Variants in NDUFB4 observed in about 807,000 individuals in gnomAD.
The protein encoded by NDUFB4 is NADH:ubiquinone oxidoreductase subunit B4, also known as NADH dehydrogenase [ubiquinone] 1 beta subcomplex subunit 4.
NDUFB4 carries 10 observed loss-of-function variants against 14.5 expected under a neutral mutation model. The observed-to-expected ratio is 0.69, with a 90% CI of 0.43 to 1.17. NDUFB4 has a LOEUF of 1.17. Among genes scored for constraint, NDUFB4 ranks in the 50% most tolerant of loss-of-function variants. NDUFB4 has a pLI of 0.00. For synonymous variants in NDUFB4, 65 were observed against 63.4 expected (o/e 1.03, Z -0.12); for missense variants, 165 against 161.1 (o/e 1.02, Z -0.13).
intron 1 of NDUFB4, among the ~76,000 whole-genome samples, chr3:120,597,069 T>G (rs796103581): frequency 1.6e-3 from 224 of 142,314 alleles, no homozygotes; most frequent in Middle Eastern, 3.8e-3. Flanking sequence ...TGCATATATA[T>G]TTTATATATA....
intron 1 of NDUFB4, among the ~76,000 whole-genome samples, chr3:120,596,830 C>T (rs1939965448): frequency 6.6e-6 from 1 of 151,582 alleles, no homozygotes; most frequent in Admixed American, 6.6e-5. Flanking sequence ...GCAAAATGGG[C>T]GTAATATAGT....
At chr3:120,601,076 T>A (rs1046699406) in intron 1 of NDUFB4, 35 bp from the exon 2 acceptor site, 1 of 1,566,944 alleles carries the variant, frequency 6.4e-7, no homozygotes. Context: ...TGATCCTTCT[T>A]AAGTTCTATA....
chr3:120,602,144 TTATC>T, intron 2 of NDUFB4, 60 bp from the exon 3 acceptor site: 1 of 1,572,224 alleles, frequency 6.4e-7, no homozygotes, highest in East Asian at 2.3e-5. Flanking sequence ...TTATTTATTT[TTATC>T]TAATATAGCC....
At position 120,601,151 on chromosome 3, in the gene NDUFB4, T is replaced by C; in HGVS notation, c.221T>C (p.Ile74Thr). ...CTTCGTTGGGCCTATGCAAGAACAA[T>C]AAATGTCTATCCTAATTTCAGACCC... ...ALLRWAYART[I>T]NVYPNFRPTP... The change falls in exon 2 of 3, where the codon ATA (isoleucine) becomes ACA (threonine). Residue 74 changes from isoleucine (I) to threonine (T), a missense_variant. Physicochemically the swap from Ile to Thr is moderately conservative, Grantham distance 89. Coordinates refer to ENST00000184266, the MANE Select transcript of NDUFB4 (RefSeq NM_004547.6). 6.8e-6 allele frequency: 11 copies of C among 1,613,980 alleles called. No homozygotes were observed. Among genetic ancestry groups the C allele is most frequent in the Non-Finnish European group, 8.5e-6 (10 of 1,179,978 alleles).
Position 120,602,004 on chromosome 3 carries a change from G to T in NDUFB4, c.328-204G>T, listed in dbSNP as rs181436575. On this transcript the variant is annotated intron_variant, in intron 2 of 2. Coordinates refer to ENST00000184266, the MANE Select transcript of NDUFB4 (RefSeq NM_004547.6). ...TTTCTTACTGTGTCTTTAGTTCCTC[G>T]GATTACTGTTTCTTCGCACACTCCC... 5 of 1,308,894 alleles carry T rather than the reference G, an allele frequency of 3.8e-6. No homozygotes were observed. In the African/African-American group the frequency reaches 4.6e-5, roughly 12 times the overall value. 81.1% of individuals were successfully genotyped at this position (1,308,894 alleles called of 1,614,324 possible).
chr3:120,598,224 T>C (rs189858731), intron 1 of NDUFB4, among the ~76,000 whole-genome samples: 2 of 152,126 alleles, frequency 1.3e-5, no homozygotes, highest in Admixed American at 1.3e-4. Flanking sequence ...GGTTAAGTTT[T>C]TGTATTTTTT....
chr3:120,602,244 G>T lies in NDUFB4; in HGVS notation c.364G>T (p.Asp122Tyr), dbSNP rs1462707163. Residue 122 changes from aspartate to tyrosine, a missense_variant, in exon 3 of 3, where the codon GAT becomes TAT. Coordinates refer to ENST00000184266, the MANE Select transcript of NDUFB4 (RefSeq NM_004547.6). ...AAAACTTATCCAGGAAGGAAAATTG[G>T]ATCGAACATTTCACCTCTCATATTA... ...KEKLIQEGKL[D>Y]RTFHLSY 1.9e-6 allele frequency: 3 copies of T among 1,610,776 alleles called. No individual in the cohort carries two copies. Among genetic ancestry groups the T allele is most frequent in the Non-Finnish European group, 2.5e-6 (3 of 1,179,444 alleles).
At position 120,596,447 on chromosome 3, in the gene NDUFB4, C is replaced by T. The variant is rs778921082; in HGVS notation, c.88C>T (p.Arg30Trp). Residue 30 changes from arginine to tryptophan, a missense_variant, in exon 1 of 3, where the codon CGG becomes TGG. Coordinates refer to ENST00000184266, the MANE Select transcript of NDUFB4 (RefSeq NM_004547.6). ...PAEYNISPET[R>W]RAQAERLAIR... is the part of the protein sequence containing the mutation. The stretch of plus-strand genomic sequence containing the variant: ...CGAATACAACATATCTCCGGAAACC[C>T]GGCGGGCGCAAGCCGAGCGGTTGGC... 3 of 1,614,066 alleles carry T rather than the reference C, an allele frequency of 1.9e-6. No individual in the cohort carries two copies. The highest frequency in any genetic ancestry group is 2.5e-6 in the Non-Finnish European group (3 of 1,179,998).
In NDUFB4 at chr3:120,601,950, G is replaced by A. The variant is rs1940070971; in HGVS notation, c.328-258G>A. 3.3e-6 allele frequency: 4 copies of A among 1,219,912 alleles called. No individual in the cohort carries two copies. In the Admixed American group the frequency reaches 1.3e-4, roughly 39 times the overall value. 75.6% of individuals were successfully genotyped at this position (1,219,912 alleles called of 1,614,324 possible). ...ATAATATATTTCTAATGACTAAAAT[G>A]TGAGTAAGATGTTTTTGAATAGGAG... On this transcript the variant is annotated intron_variant, in intron 2 of 2. Coordinates refer to ENST00000184266, the MANE Select transcript of NDUFB4 (RefSeq NM_004547.6).
intron 1 of NDUFB4, among the ~76,000 whole-genome samples, chr3:120,600,515 A>G (rs1006000867): frequency 7.2e-5 from 11 of 152,212 alleles, no homozygotes; most frequent in African/African-American, 2.4e-4. Context: ...CAAAACTTCT[A>G]ATAGTGTGAA....
chr3:120,599,481 G>A (rs993831454), intron 1 of NDUFB4, among the ~76,000 whole-genome samples: 3 of 152,110 alleles, frequency 2.0e-5, no homozygotes, highest in Non-Finnish European at 4.4e-5. Context: ...AAGAAATGAA[G>A]AGAGAATGGC....
intron 1 of NDUFB4, among the ~76,000 whole-genome samples, chr3:120,597,278 C>T (rs1481943370): frequency 1.3e-5 from 2 of 151,884 alleles, no homozygotes; most frequent in Non-Finnish European, 2.9e-5. Flanking sequence ...ACTTCAACTC[C>T]TCTGAATTAT....
At chr3:120,597,064 A>G (rs1472349804) in intron 1 of NDUFB4, among the ~76,000 whole-genome samples, 4 of 146,596 alleles carry the variant, frequency 2.7e-5, no homozygotes, top group South Asian at 4.2e-4. Context: ...ATATATGCAT[A>G]TATATTTTAT....
chr3:120,601,762 C>G (rs951518638), intron 2 of NDUFB4: 90 of 1,014,108 alleles, frequency 8.9e-5, no homozygotes, highest in Non-Finnish European at 1.0e-4. Context: ...CTTGTGTTGC[C>G]ACTGGAGCCC....
At position 120,601,334 on chromosome 3, in the gene NDUFB4, G is replaced by A. The variant is rs757822330; in HGVS notation, c.327+77G>A. ...GGGACCAGCTGCAGCTCCTTCTCTT[G>A]AAGATTGCCACCAGTGCCCCTCCCA... is the stretch of plus-strand genomic sequence containing the variant. On this transcript the variant is annotated intron_variant, in intron 2 of 2. Coordinates refer to ENST00000184266, the MANE Select transcript of NDUFB4 (RefSeq NM_004547.6). 1.9e-6 allele frequency: 3 copies of A among 1,590,916 alleles called. No individual in the cohort carries two copies. In the South Asian group the frequency reaches 3.4e-5, roughly 18 times the overall value.
chr3:120,596,655 C>A (rs969947979), intron 1 of NDUFB4, 116 bp downstream of exon 1: 3 of 1,157,342 alleles, frequency 2.6e-6, no homozygotes, highest in African/African-American at 1.5e-5. Flanking sequence ...AGGTCCTCTT[C>A]CAGGCCTAGC....
chr3:120,599,575 A>G (rs1940022802), intron 1 of NDUFB4, among the ~76,000 whole-genome samples: 2 of 152,156 alleles, frequency 1.3e-5, no homozygotes, highest in Admixed American at 6.5e-5. Flanking sequence ...ACCATGTCAG[A>G]TGCTACTGAG....
In NDUFB4 at chr3:120,602,188, CT is replaced by C. The variant is rs1245839625; in HGVS notation, c.328-13del. ...GGCAGAATATATTGTCTTTAATGTA[CT>C]TTTTTTCTGTCTTTACAGGATAGGA... On this transcript the variant is annotated intron_variant, in intron 2 of 2. Transcript: ENST00000184266. 2.5e-6 allele frequency: 4 copies of C among 1,601,648 alleles called. No homozygotes were observed. The highest frequency in any genetic ancestry group is 1.4e-5 in the African/African-American group (1 of 73,886).
Position 120,602,390 on chromosome 3 carries a change from C to A in NDUFB4, c.*120C>A, listed in dbSNP as rs139736266. ...ATGTTAAAAACTATTAACACCCTAA[C>A]AACACAGAAGCAGACGCAGCCCGTG... is the stretch of plus-strand genomic sequence containing the variant. On this transcript the variant is annotated 3_prime_UTR_variant, in exon 3 of 3. Coordinates refer to ENST00000184266, the MANE Select transcript of NDUFB4 (RefSeq NM_004547.6). 690 of 964,934 alleles carry A rather than the reference C, an allele frequency of 7.2e-4. 2 individuals are homozygous for A. The African/African-American group carries it at 0.011, about 15-fold the overall frequency. The allele number at this position is 964,934 out of a possible 1,614,324, so 59.8% of individuals were successfully genotyped here. A position where few individuals can be genotyped will look rare whatever the true frequency, so the allele number is the denominator to read the frequency against.
Sources: gnomAD v4.1 joint callset for allele counts (sites outside exome capture counted in the v4.1 genomes callset) on GRCh38, gnomAD v4.1.1 for gene constraint, MANE v1.5 for transcripts, NCBI Gene and HGNC (gene_info 2026-07-23, HGNC 2026-07-21) for gene names.